PDE4D: variants seen among roughly 807,000 people sequenced by gnomAD.
PDE4D encodes the protein 3',5'-cyclic-AMP phosphodiesterase 4D.
PDE4D carries 24 observed loss-of-function variants against 87.4 expected under a neutral mutation model. The observed-to-expected ratio is 0.27, with a 90% CI of 0.20 to 0.39. The LOEUF is 0.39. Ranked by LOEUF, PDE4D falls within the 10% of genes least tolerant of loss-of-function variation. PDE4D has a pLI of 1.00. For synonymous variants in PDE4D, 384 were observed against 383.2 expected, an observed-to-expected ratio of 1.00 and a Z score of -0.02; for missense variants, 714 against 1,041.0, an observed-to-expected ratio of 0.69 and a Z score of 4.32.
intron 1 of PDE4D, among the ~76,000 whole-genome samples, chr5:60,426,430 A>T (rs531038184): frequency 6.6e-6 from 1 of 152,290 alleles, no homozygotes; most frequent in Admixed American, 6.5e-5. Flanking sequence ...TATCACAATG[A>T]CAGAAAACCA....
chr5:60,235,639 G>T (rs1037164681), intron 1 of PDE4D, among the ~76,000 whole-genome samples: 2 of 151,158 alleles, frequency 1.3e-5, no homozygotes, highest in Admixed American at 1.3e-4. Context: ...AGCCCTCTCA[G>T]TTCACAAAAA....
At chr5:60,260,361 T>C (rs978799443) in intron 1 of PDE4D, among the ~76,000 whole-genome samples, 3 of 152,054 alleles carry the variant, frequency 2.0e-5, no homozygotes, top group African/African-American at 7.2e-5. Context: ...CTATGTCCTA[T>C]ACATCATAGA....
chr5:59,502,662 TAGTG>T (rs1453170423), intron 1 of PDE4D, among the ~76,000 whole-genome samples: 1 of 111,404 alleles, frequency 9.0e-6, no homozygotes, highest in African/African-American at 3.6e-5. Flanking sequence ...TTCCTTAAGG[TAGTG>T]TGTGTGTGTG....
At chr5:60,391,254 T>C (rs1762543731) in intron 1 of PDE4D, among the ~76,000 whole-genome samples, 1 of 152,184 alleles carries the variant, frequency 6.6e-6, no homozygotes, top group South Asian at 2.1e-4. Context: ...CACATGGTGA[T>C]CACAGGGGGC....
intron 2 of PDE4D, among the ~76,000 whole-genome samples, chr5:60,115,839 A>T (rs151266204): frequency 1.9e-4 from 29 of 152,240 alleles, no homozygotes; most frequent in African/African-American, 7.0e-4. Flanking sequence ...TTCTTAGGTG[A>T]AATAAGTGAA....
intron 1 of PDE4D, among the ~76,000 whole-genome samples, chr5:59,243,187 A>T (rs1758032316): frequency 6.6e-6 from 1 of 152,034 alleles, no homozygotes; most frequent in Non-Finnish European, 1.5e-5. Flanking sequence ...CAGTAAAATC[A>T]CCTCAACTAT....
intron 1 of PDE4D, among the ~76,000 whole-genome samples, chr5:59,608,210 T>C (rs1317394910): frequency 6.6e-6 from 1 of 152,118 alleles, no homozygotes; most frequent in East Asian, 1.9e-4. Context: ...GTATGTGAAA[T>C]CAGAGAGTGC....
At chr5:60,409,531 TATC>T (rs745735926) in intron 1 of PDE4D, among the ~76,000 whole-genome samples, 40 of 152,024 alleles carry the variant, frequency 2.6e-4, no homozygotes, top group Non-Finnish European at 4.9e-4. Flanking sequence ...ATGGTTACTT[TATC>T]ATCATCATCA....
At chr5:59,356,718 TAAAC>T (rs1182832606) in intron 1 of PDE4D, 1 of 1,542,358 alleles carries the variant, frequency 6.5e-7, no homozygotes, top group Non-Finnish European at 8.7e-7. Context: ...CTAAGGCAGT[TAAAC>T]AATTCTTCCT....
intron 1 of PDE4D, among the ~76,000 whole-genome samples, chr5:59,378,476 G>A (rs903285363): frequency 6.6e-6 from 1 of 152,060 alleles, no homozygotes; most frequent in Non-Finnish European, 1.5e-5. Flanking sequence ...AAGTAAACCC[G>A]AGTGTATAGT....
intron 5 of PDE4D, among the ~76,000 whole-genome samples, chr5:59,101,414 C>T (rs931384322): frequency 6.6e-5 from 10 of 152,122 alleles, no homozygotes; most frequent in African/African-American, 2.4e-4. Context: ...AATTTTGTCA[C>T]ACTCTTTCTC....
chr5:60,104,697 C>A (rs984850847), intron 2 of PDE4D, among the ~76,000 whole-genome samples: 2 of 152,172 alleles, frequency 1.3e-5, no homozygotes, highest in African/African-American at 2.4e-5. Flanking sequence ...GCATCATTTG[C>A]GGTTCACGAA....
chr5:59,803,385 G>T (rs560295384), intron 1 of PDE4D, among the ~76,000 whole-genome samples: 1 of 145,058 alleles, frequency 6.9e-6, no homozygotes, highest in East Asian at 2.0e-4. Flanking sequence ...TGCAACCTCC[G>T]CCCCCCGGGT....
At chr5:59,480,267 T>C (rs535522656) in intron 1 of PDE4D, among the ~76,000 whole-genome samples, 2 of 152,186 alleles carry the variant, frequency 1.3e-5, no homozygotes, top group Non-Finnish European at 2.9e-5. Context: ...ATAGAATAGT[T>C]TACATTAGAA....
At chr5:59,215,549 ATGCGTGTGTGTGTG>A in intron 2 of PDE4D, 1 of 419,690 alleles carries the variant, frequency 2.4e-6, no homozygotes, top group African/African-American at 2.4e-5. Flanking sequence ...AAATAAATAC[ATGCGTGTGTGTGTG>A]TGTGTGTGTG....
chr5:59,773,288 G>A (rs1190842883), intron 1 of PDE4D, among the ~76,000 whole-genome samples: 1 of 152,118 alleles, frequency 6.6e-6, no homozygotes, highest in Non-Finnish European at 1.5e-5. Flanking sequence ...GGCATAAATG[G>A]GATTTAAATC....
intron 1 of PDE4D, among the ~76,000 whole-genome samples, chr5:59,365,175 G>A (rs1307227834): frequency 6.6e-6 from 1 of 152,090 alleles, no homozygotes; most frequent in Non-Finnish European, 1.5e-5. Context: ...TTAAGAAGAA[G>A]GTAGCCAGGT....
At chr5:60,337,384 T>TACACACACACACAC (rs1231392851) in intron 1 of PDE4D, among the ~76,000 whole-genome samples, 11 of 100,332 alleles carry the variant, frequency 1.1e-4, no homozygotes, top group African/African-American at 3.9e-4. Flanking sequence ...TATATATATA[T>TACACACACACACAC]ATATACACAC....
Position 59,893,638 on chromosome 5 carries a change from C to G in PDE4D, c.-16G>C. On this transcript the variant is annotated 5_prime_UTR_variant, in exon 1 of 15. Coordinates refer to ENST00000340635, the MANE Select transcript of PDE4D (RefSeq NM_001104631.2). ...CTGCCTCCATCCTGGCTCGCGGCTCCGCGACCTGCTGCCCAGCCCGGGTTC... is the reference window on the plus strand; with the variant it reads ...CTGCCTCCATCCTGGCTCGCGGCTCGGCGACCTGCTGCCCAGCCCGGGTTC... 1 of 1,476,332 alleles carries G rather than the reference C, an allele frequency of 6.8e-7. No individual in the cohort carries two copies. The highest frequency in any genetic ancestry group is 2.5e-5 in the Admixed American group (1 of 39,986). 91.5% of individuals were successfully genotyped at this position (1,476,332 alleles called of 1,614,324 possible).
Sources: gnomAD v4.1 joint callset for allele counts (sites outside exome capture counted in the v4.1 genomes callset) on GRCh38, gnomAD v4.1.1 for gene constraint, MANE v1.5 for transcripts, NCBI Gene and HGNC (gene_info 2026-07-23, HGNC 2026-07-21) for gene names.